Variants in HJURP observed in about 807,000 individuals in gnomAD.
HJURP encodes the protein 14-3-3-associated AKT substrate.
A neutral mutation model predicts 72.0 loss-of-function variants in HJURP; 49 were observed. The observed-to-expected ratio is 0.68, with a 90% confidence interval of 0.54 to 0.86. HJURP has a LOEUF of 0.86. Ranked by LOEUF, HJURP falls within the 40% of genes least tolerant of loss-of-function variation. HJURP has a pLI of 0.00. For missense variants in HJURP, 908 were observed against 936.3 expected, an observed-to-expected ratio of 0.97 and a Z score of 0.39; for synonymous variants, 357 against 347.1, an observed-to-expected ratio of 1.03 and a Z score of -0.32.
Position 233,841,956 on chromosome 2 carries a change from A to G in HJURP, c.824T>C (p.Leu275Ser). 6.2e-7 allele frequency: 1 copy of G among 1,614,204 alleles called. No individual in the cohort carries two copies. The highest frequency in any genetic ancestry group is 8.5e-7 in the Non-Finnish European group (1 of 1,180,030). ...GATGATGCTTGATGGCTTTGTGCTCAACAGCCGGCTCATGGAGTGCAGCAT... is the reference window on the plus strand; with the variant it reads ...GATGATGCTTGATGGCTTTGTGCTCGACAGCCGGCTCATGGAGTGCAGCAT... ...AGMLHSMSRL[L>S]STKPSSIIST... The change falls in exon 8 of 9, where the codon TTG becomes TCG. Residue 275 changes from leucine (L) to serine (S), a missense_variant. By Grantham distance (145) the Leu-to-Ser change is moderately radical (BLOSUM62 -2). Around this residue, in one of 3 missense-constraint regions of HJURP, gnomAD observed 598 missense variants for 619.5 expected, o/e 0.97. Coordinates refer to ENST00000411486, the MANE Select transcript of HJURP (RefSeq NM_018410.5).
In HJURP at chr2:233,846,813, T is replaced by G. The variant is rs553239996; in HGVS notation, c.402+584A>C. On this transcript the variant is annotated intron_variant, in intron 5 of 8. Coordinates refer to ENST00000411486, the MANE Select transcript of HJURP (RefSeq NM_018410.5). This position sits in a 1 kb window ranked among gnomAD's most constrained non-coding sequence, Gnocchi z 4.3. The stretch of plus-strand genomic sequence containing the variant: ...CGGGGGCCAGGAAAGATGCTGGAGC[T>G]GGTTAAGCTCTGTGTAAATTCGCAT... 2.0e-5 allele frequency among the ~76,000 whole-genome samples: 3 copies of G among 152,314 alleles called. No homozygotes were observed. Among genetic ancestry groups the G allele is most frequent in the Admixed American group, 6.5e-5 (1 of 15,304 alleles).
chr2:233,850,534 TTAA>T (rs1705473156), intron 3 of HJURP, among the ~76,000 whole-genome samples: 4 of 152,256 alleles, frequency 2.6e-5, no homozygotes, highest in Admixed American at 2.0e-4. Context: ...GGCTGAAATA[TTAA>T]TATTTTAGGA....
Position 233,844,250 on chromosome 2 carries a change from C to G in HJURP, c.529G>C (p.Val177Leu). The G allele has an allele frequency of 6.2e-7, 1 of 1,614,216 alleles. No individual in the cohort carries two copies. The highest frequency in any genetic ancestry group is 1.6e-4 in the Middle Eastern group (1 of 6,062). ...GAGGCCAGTGAAGGCAGCGGAGTCA[C>G]ACGTACATCCCTTCCAGCTCTGTTA... ...AGNRAGRDVR[V>L]TPLPSLASPA... The change falls in exon 7 of 9, where the codon GTG becomes CTG. Residue 177 changes from valine (V) to leucine (L), a missense_variant. Physicochemically the swap from Val to Leu is conservative, Grantham distance 32. This residue lies in a region of HJURP where 299 missense variants were observed against 286.7 expected (regional missense o/e 1.04). Coordinates refer to ENST00000411486, the MANE Select transcript of HJURP (RefSeq NM_018410.5).
At chr2:233,847,528 G>GGTTT in intron 4 of HJURP, 67 bp from the exon 5 acceptor site, 1 of 1,349,606 alleles carries the variant, frequency 7.4e-7, no homozygotes, top group South Asian at 1.2e-5. Flanking sequence ...TCTCAAGGAT[G>GGTTT]GTTTTGGCAT....
chr2:233,843,119 G>C (rs1021539380), intron 7 of HJURP, among the ~76,000 whole-genome samples: 5 of 152,216 alleles, frequency 3.3e-5, no homozygotes, highest in Admixed American at 3.3e-4. Context: ...AGCATGAGAG[G>C]GAACTACAGG....
chr2:233,839,806 C>T (rs909520413), intron 8 of HJURP, among the ~76,000 whole-genome samples: 5 of 152,294 alleles, frequency 3.3e-5, no homozygotes, highest in South Asian at 2.1e-4. Context: ...ACTGGAGACA[C>T]GGCCTCACCT....
intron 8 of HJURP, 59 bp downstream of exon 8, chr2:233,840,550 C>G (rs1209110411): frequency 2.0e-6 from 3 of 1,486,658 alleles, no homozygotes; most frequent in African/African-American, 1.4e-5. Flanking sequence ...CATAAAAAGC[C>G]TCTGTCCAAA....
intron 2 of HJURP, 79 bp downstream of exon 2, chr2:233,853,765 T>G: frequency 8.3e-7 from 1 of 1,200,782 alleles, no homozygotes; most frequent in Non-Finnish European, 1.2e-6. Flanking sequence ...GTTTACTTCT[T>G]AAGAGAGCAG....
Position 233,854,529 on chromosome 2 carries a change from C to A in HJURP, c.-29G>T. 1 of 1,538,704 alleles carries A rather than the reference C, an allele frequency of 6.5e-7. No individual in the cohort carries two copies. The highest frequency in any genetic ancestry group is 8.9e-7 in the Non-Finnish European group (1 of 1,121,050). On this transcript the variant is annotated 5_prime_UTR_variant, in exon 1 of 9. Coordinates refer to ENST00000411486, the MANE Select transcript of HJURP (RefSeq NM_018410.5). ...ACCCAGCCAGTACCCAAGCGCCAACCCGGACTGCAGGGCCTCGCGCGCCAC... is the reference window on the plus strand; with the variant it reads ...ACCCAGCCAGTACCCAAGCGCCAACACGGACTGCAGGGCCTCGCGCGCCAC...
At chr2:233,845,662 CTG>C in intron 6 of HJURP, 64 bp downstream of exon 6, 1 of 1,013,218 alleles carries the variant, frequency 9.9e-7, no homozygotes, top group East Asian at 2.4e-5. Context: ...CATAATAACA[CTG>C]TACCTCAATG....
rs774739888 is a variant in HJURP at position 233,847,512 on chromosome 2, T to C, written c.338-51A>G. 4.7e-6 allele frequency: 7 copies of C among 1,482,128 alleles called. No individual in the cohort carries two copies. The African/African-American group carries it at 6.9e-5, about 15-fold the overall frequency. The allele number at this position is 1,482,128 out of a possible 1,614,324, so 91.8% of individuals were successfully genotyped here. On this transcript the variant is annotated intron_variant, in intron 4 of 8. Coordinates refer to ENST00000411486, the MANE Select transcript of HJURP (RefSeq NM_018410.5). ...ATCAGGATTTTCAGGAAGGAGTGCA[T>C]TTTCCTCTCAAGGATGGTTTTGGCA... is the stretch of plus-strand genomic sequence containing the variant.
intron 4 of HJURP, among the ~76,000 whole-genome samples, chr2:233,848,109 T>C (rs1441920014): frequency 6.6e-6 from 1 of 152,126 alleles, no homozygotes. Context: ...CCAGCTTCCC[T>C]TTAGCGACTC....
At chr2:233,849,607 A>G (rs1705450239) in intron 4 of HJURP, among the ~76,000 whole-genome samples, 156 bp downstream of exon 4, 1 of 152,240 alleles carries the variant, frequency 6.6e-6, no homozygotes, top group African/African-American at 2.4e-5. Flanking sequence ...CTCAGAAGGA[A>G]TCAACAGGGT....
Position 233,840,977 on chromosome 2 carries a change from CACTGTCATCTGCCCA to C in HJURP, c.1788_1802del (p.Gly597_Val601del). 6.2e-7 allele frequency: 1 copy of C among 1,614,168 alleles called. No homozygotes were observed. Among genetic ancestry groups the C allele is most frequent in the Non-Finnish European group, 8.5e-7 (1 of 1,180,020 alleles). On this transcript the variant is annotated inframe_deletion, in exon 8 of 9. Transcript: ENST00000411486. The stretch of plus-strand genomic sequence containing the variant: ...CTGTAGACACTCCAATACATAAAGG[CACTGTCATCTGCCCA>C]GGAGATTTGAGGCAATACTTTTGAT...
intron 4 of HJURP, among the ~76,000 whole-genome samples, chr2:233,849,054 G>A (rs931855336): frequency 4.1e-4 from 63 of 152,344 alleles, no homozygotes; most frequent in African/African-American, 1.5e-3. Context: ...GGGGTTGTGA[G>A]AAACCTCACC....
intron 3 of HJURP, 53 bp from the exon 4 acceptor site, chr2:233,849,912 C>T (rs956064864): frequency 1.9e-6 from 2 of 1,069,580 alleles, no homozygotes; most frequent in African/African-American, 3.1e-5. Context: ...CAGCACATTT[C>T]AAAGTCACCG....
Position 233,840,824 on chromosome 2 carries a change from G to A in HJURP, c.1956C>T (p.Gly652=). ...SPLGCRKSLL[G]STAIEAPSST... is the part of the protein sequence containing the mutation. Reference sequence around the variant, plus strand: ...ATGAAGGAGCCTCAATTGCAGTTGAGCCCAGTAGACTTTTTCTGCACCCCA... The same window carrying A: ...ATGAAGGAGCCTCAATTGCAGTTGAACCCAGTAGACTTTTTCTGCACCCCA... Residue 652 remains glycine (G), a synonymous_variant, in exon 8 of 9, where the codon GGC becomes GGT. Transcript: ENST00000411486. 1 of 1,613,864 alleles carries A rather than the reference G, an allele frequency of 6.2e-7. No homozygotes were observed. The highest frequency in any genetic ancestry group is 8.5e-7 in the Non-Finnish European group (1 of 1,179,948).
Position 233,849,852 on chromosome 2 carries a change from G to A in HJURP, c.248C>T (p.Ser83Phe), listed in dbSNP as rs141413290. 1.3e-6 allele frequency: 2 copies of A among 1,549,702 alleles called. No individual in the cohort carries two copies. Among genetic ancestry groups the A allele is most frequent in the African/African-American group, 1.4e-5 (1 of 73,190 alleles). The change falls in exon 4 of 9, where the codon TCC becomes TTC. Residue 83 changes from serine to phenylalanine, a missense_variant. Ser to Phe is a radical substitution (Grantham distance 155, BLOSUM62 -2). This residue lies in a region of HJURP where 299 missense variants were observed against 286.7 expected (regional missense o/e 1.04). Coordinates refer to ENST00000411486, the MANE Select transcript of HJURP (RefSeq NM_018410.5). ...ATCTGTCCTGTCCGCGGGCTTCATGGAGGAGTCCTCCAAGTGCAGAAGCCA... is the reference window on the plus strand; with the variant it reads ...ATCTGTCCTGTCCGCGGGCTTCATGAAGGAGTCCTCCAAGTGCAGAAGCCA... ...ERNEGEIQDSSMKPADRTDGS... is the reference protein window; with the variant it reads ...ERNEGEIQDSFMKPADRTDGS...
Position 233,837,539 on chromosome 2 carries a change from G to T in HJURP, c.*38C>A. 7.4e-7 allele frequency: 1 copy of T among 1,353,650 alleles called. No homozygotes were observed. Among genetic ancestry groups the T allele is most frequent in the Non-Finnish European group, 1.1e-6 (1 of 947,948 alleles). The allele number at this position is 1,353,650 out of a possible 1,614,324, so 83.9% of individuals were successfully genotyped here. On this transcript the variant is annotated 3_prime_UTR_variant, in exon 9 of 9. Transcript: ENST00000411486. The stretch of plus-strand genomic sequence containing the variant: ...AACAAAACAAAAATACAAACAGAGA[G>T]CAAGTGGGAAGATAAATAACACTCC...
Sources: gnomAD v4.1 joint callset for allele counts (sites outside exome capture counted in the v4.1 genomes callset) on GRCh38, gnomAD v4.1.1 for gene constraint, gnomAD v4.1.1 regional missense constraint, Gnocchi (gnomAD v3.1) non-coding constraint, MANE v1.5 for transcripts, NCBI Gene and HGNC (gene_info 2026-07-23, HGNC 2026-07-21) for gene names.